KLHL41: variants seen among roughly 807,000 people sequenced by gnomAD.
The protein encoded by KLHL41 is kelch like family member 41, also known as kelch-like protein 41.
A neutral mutation model predicts 49.2 loss-of-function variants in KLHL41; 31 were observed. The observed-to-expected ratio is 0.63, with a 90% CI of 0.47 to 0.85. The LOEUF is 0.85. KLHL41 is among the 40% of genes least tolerant of loss of function. KLHL41 has a pLI of 0.00. For missense variants in KLHL41, 663 were observed against 726.7 expected, an observed-to-expected ratio of 0.91 and a Z score of 1.01; for synonymous variants, 218 against 258.5, an observed-to-expected ratio of 0.84 and a Z score of 1.50.
In KLHL41 at chr2:169,510,630, T is replaced by C. The variant is rs1364188826; in HGVS notation, c.852T>C (p.Asp284=). The C allele has an allele frequency of 6.2e-7, 1 of 1,614,058 alleles. No homozygotes were observed. Among genetic ancestry groups the C allele is most frequent in the African/African-American group, 1.3e-5 (1 of 74,910 alleles). ...GTGAGGTGAATGGTGATGTTGGTGA[T>C]GAAGATTTACTTCCTGGTTACCTGA... ...GAGEVNGDVG[D]EDLLPGYLND... is the part of the protein sequence containing the mutation. The change falls in exon 1 of 6, where the codon GAT becomes GAC. Residue 284 remains aspartate, a synonymous_variant. Coordinates refer to ENST00000284669, the MANE Select transcript of KLHL41 (RefSeq NM_006063.3). This position sits in a 1 kb window ranked among gnomAD's most constrained non-coding sequence, Gnocchi z 4.2.
chr2:169,517,177 C>A (rs369960993), intron 3 of KLHL41, among the ~76,000 whole-genome samples: 3 of 152,116 alleles, frequency 2.0e-5, no homozygotes, highest in African/African-American at 7.2e-5. Context: ...TGGTCTTTTA[C>A]ACAATTAAGA....
intron 1 of KLHL41, among the ~76,000 whole-genome samples, 199 bp downstream of exon 1, chr2:169,511,087 G>A (rs1236430168): frequency 2.0e-5 from 3 of 152,140 alleles, no homozygotes; most frequent in Admixed American, 2.0e-4. Flanking sequence ...AAAAAGTTTG[G>A]TGAATAATGA....
chr2:169,515,046 T>G (rs894388223), intron 3 of KLHL41, 85 bp downstream of exon 3: 2 of 875,376 alleles, frequency 2.3e-6, no homozygotes, highest in African/African-American at 3.5e-5. Flanking sequence ...TTTTTTTTTT[T>G]TTTTGAGATG....
intron 1 of KLHL41, 50 bp from the exon 2 acceptor site, chr2:169,514,524 C>T: frequency 1.3e-6 from 2 of 1,530,510 alleles, no homozygotes; most frequent in Non-Finnish European, 1.8e-6. Context: ...TGGTGTACTT[C>T]TAATTTTTTT....
intron 5 of KLHL41, among the ~76,000 whole-genome samples, chr2:169,522,762 A>C (rs972438883): frequency 7.9e-5 from 9 of 113,772 alleles, no homozygotes; most frequent in Non-Finnish European, 1.1e-4. Flanking sequence ...TCACTCTGTC[A>C]CCCAGGCTGT....
chr2:169,519,886 G>A (rs931573789), intron 4 of KLHL41, among the ~76,000 whole-genome samples: 3 of 151,760 alleles, frequency 2.0e-5, no homozygotes, highest in Non-Finnish European at 2.9e-5. Context: ...GAGCCACCGT[G>A]CCCGGCCTTA....
chr2:169,509,999 T>C lies in KLHL41; in HGVS notation c.221T>C (p.Val74Ala), dbSNP rs536931903. 3 of 1,614,080 alleles carry C rather than the reference T, an allele frequency of 1.9e-6. No homozygotes were observed. In the South Asian group the frequency reaches 3.3e-5, roughly 18 times the overall value. ...SEIDEAKKKE[V>A]VLDNVDPAIL... ...ATTGATGAGGCGAAAAAAAAGGAGG[T>C]AGTGCTAGACAATGTGGATCCTGCT... The change falls in exon 1 of 6, where the codon GTA (valine) becomes GCA (alanine). Residue 74 changes from valine to alanine, a missense_variant. Val to Ala is a moderately conservative substitution (Grantham distance 64). Coordinates refer to ENST00000284669, the MANE Select transcript of KLHL41 (RefSeq NM_006063.3).
chr2:169,511,488 TTTC>T (rs1328379122), intron 1 of KLHL41, among the ~76,000 whole-genome samples: 1 of 152,240 alleles, frequency 6.6e-6, no homozygotes, highest in African/African-American at 2.4e-5. Context: ...TTAATTTCTT[TTTC>T]TTCTTCATCT....
rs552571284 is a variant in KLHL41 at position 169,510,754 on chromosome 2, C to T, written c.976C>T (p.Leu326Phe). ...TGACCCCACGGAAAATGAATGCTACCTTACTGCACTGGCTGAGCAGATTCC... is the reference window on the plus strand; with the variant it reads ...TGACCCCACGGAAAATGAATGCTACTTTACTGCACTGGCTGAGCAGATTCC... Reference protein sequence around the residue: ...AYDPTENECYLTALAEQIPRN... With the variant: ...AYDPTENECYFTALAEQIPRN... Residue 326 changes from leucine (L) to phenylalanine (F), a missense_variant, in exon 1 of 6, where the codon CTT (leucine) becomes TTT (phenylalanine). Coordinates refer to ENST00000284669, the MANE Select transcript of KLHL41 (RefSeq NM_006063.3). This position sits in a 1 kb window ranked among gnomAD's most constrained non-coding sequence, Gnocchi z 4.2. The T allele has an allele frequency of 1.1e-5, 17 of 1,614,150 alleles. No individual in the cohort carries two copies. In the African/African-American group the frequency reaches 2.3e-4, roughly 22 times the overall value.
Position 169,510,067 on chromosome 2 carries a change from G to A in KLHL41, c.289G>A (p.Asp97Asn). 2 of 1,614,110 alleles carry A rather than the reference G, an allele frequency of 1.2e-6. No individual in the cohort carries two copies. Among genetic ancestry groups the A allele is most frequent in the Non-Finnish European group, 8.5e-7 (1 of 1,180,020 alleles). Reference protein sequence around the residue: ...IIKYLYSASIDLNDGNVQDIF... With the variant: ...IIKYLYSASINLNDGNVQDIF... Reference sequence around the variant, plus strand: ...CAAATACCTGTACTCTGCCAGTATTGATCTCAATGACGGAAATGTGCAAGA... The same window carrying A: ...CAAATACCTGTACTCTGCCAGTATTAATCTCAATGACGGAAATGTGCAAGA... The change falls in exon 1 of 6, where the codon GAT becomes AAT. Residue 97 changes from aspartate (D) to asparagine (N), a missense_variant. Physicochemically the swap from Asp to Asn is conservative, Grantham distance 23. Around this residue, in one of 3 missense-constraint regions of KLHL41, gnomAD observed 129 missense variants for 122.1 expected, o/e 1.06. Transcript: ENST00000284669. This position sits in a 1 kb window ranked among gnomAD's most constrained non-coding sequence, Gnocchi z 4.2.
Position 169,520,959 on chromosome 2 carries a change from A to C in KLHL41, c.1661A>C (p.Gln554Pro). Residue 554 changes from glutamine (Q) to proline (P), a missense_variant, in exon 5 of 6, where the codon CAA becomes CCA. Transcript: ENST00000284669. ...LYAIGGFAMI[Q>P]LESKEFAPTE... The stretch of plus-strand genomic sequence containing the variant: ...GCAATTGGTGGTTTTGCTATGATTC[A>C]ACTGGAGTCTAAAGAATTTGCACCC... 6.2e-7 allele frequency: 1 copy of C among 1,614,030 alleles called. No homozygotes were observed. Among genetic ancestry groups the C allele is most frequent in the Non-Finnish European group, 8.5e-7 (1 of 1,179,910 alleles).
rs1375942041 is a variant in KLHL41 at position 169,514,572 on chromosome 2, A to C, written c.1111-2A>C. 6.2e-7 allele frequency: 1 copy of C among 1,601,394 alleles called. No homozygotes were observed. Among genetic ancestry groups the C allele is most frequent in the Admixed American group, 1.8e-5 (1 of 55,914 alleles). On this transcript the variant is annotated splice_acceptor_variant, in intron 1 of 5. Coordinates refer to ENST00000284669, the MANE Select transcript of KLHL41 (RefSeq NM_006063.3). LOFTEE classifies it high-confidence loss of function. ...ACAATCTCTCATATATGTTTTTTTC[A>C]GCTCGATAGCATAGCATCTGAATGG...
chr2:169,510,059 C>T lies in KLHL41; in HGVS notation c.281C>T (p.Ala94Val), dbSNP rs1684005928. The change falls in exon 1 of 6, where the codon GCC (alanine) becomes GTC (valine). Residue 94 changes from alanine (A) to valine (V), a missense_variant. Physicochemically the swap from Ala to Val is moderately conservative, Grantham distance 64. This residue lies in a region of KLHL41 where 129 missense variants were observed against 122.1 expected (regional missense o/e 1.06). Coordinates refer to ENST00000284669, the MANE Select transcript of KLHL41 (RefSeq NM_006063.3). The surrounding 1 kb of genome is among the most constrained non-coding windows in gnomAD (Gnocchi z 4.2). ...LDLIIKYLYS[A>V]SIDLNDGNVQ... is the part of the protein sequence containing the mutation. Reference sequence around the variant, plus strand: ...TTAATCATCAAATACCTGTACTCTGCCAGTATTGATCTCAATGACGGAAAT... The same window carrying T: ...TTAATCATCAAATACCTGTACTCTGTCAGTATTGATCTCAATGACGGAAAT... 6.2e-7 allele frequency: 1 copy of T among 1,614,038 alleles called. No homozygotes were observed. Among genetic ancestry groups the T allele is most frequent in the South Asian group, 1.1e-5 (1 of 91,080 alleles).
chr2:169,513,289 G>A (rs750437416), intron 1 of KLHL41, among the ~76,000 whole-genome samples: 2 of 152,182 alleles, frequency 1.3e-5, no homozygotes, highest in African/African-American at 4.8e-5. Flanking sequence ...TTCCTCATCT[G>A]TAAAATGGGG....
intron 1 of KLHL41, among the ~76,000 whole-genome samples, chr2:169,513,539 G>A (rs531076694): frequency 6.6e-6 from 1 of 152,278 alleles, no homozygotes; most frequent in South Asian, 2.1e-4. Context: ...AACTTCTCAT[G>A]TCATCTAGTC....
At chr2:169,523,290 C>T (rs889330526) in intron 5 of KLHL41, among the ~76,000 whole-genome samples, 3 of 152,170 alleles carry the variant, frequency 2.0e-5, no homozygotes, top group Non-Finnish European at 4.4e-5. Context: ...CCCAAAGTTG[C>T]CTGCACGTTC....
At position 169,510,647 on chromosome 2, in the gene KLHL41, G is replaced by T. The variant is rs774827735; in HGVS notation, c.869G>T (p.Gly290Val). The T allele has an allele frequency of 3.7e-6, 6 of 1,614,006 alleles. No individual in the cohort carries two copies. The highest frequency in any genetic ancestry group is 4.2e-6 in the Non-Finnish European group (5 of 1,180,024). Residue 290 changes from glycine (G) to valine (V), a missense_variant, in exon 1 of 6, where the codon GGT (glycine) becomes GTT (valine). Physicochemically the swap from Gly to Val is moderately radical, Grantham distance 109 (BLOSUM62 -3). This residue lies in a region of KLHL41 where 528 missense variants were observed against 581.0 expected (regional missense o/e 0.91). Coordinates refer to ENST00000284669, the MANE Select transcript of KLHL41 (RefSeq NM_006063.3). The surrounding 1 kb of genome is among the most constrained non-coding windows in gnomAD (Gnocchi z 4.2). ...GDVGDEDLLP[G>V]YLNDIPRHGM... The stretch of plus-strand genomic sequence containing the variant: ...GTTGGTGATGAAGATTTACTTCCTG[G>T]TTACCTGAATGACATTCCCAGGCAT...
chr2:169,519,320 T>A (rs1194438339), intron 4 of KLHL41, among the ~76,000 whole-genome samples: 1 of 152,170 alleles, frequency 6.6e-6, no homozygotes. Context: ...TTACTTTTTT[T>A]AGAAACATGT....
In KLHL41 at chr2:169,510,853, A is replaced by G. The variant is rs143883202; in HGVS notation, c.1075A>G (p.Asn359Asp). ...AGGAGGACTATATGTGGATGAAGAA[A>G]ATAAGGATCAACCTCTACAGTCATA... ...VVGGLYVDEE[N>D]KDQPLQSYFF... The change falls in exon 1 of 6, where the codon AAT (asparagine) becomes GAT (aspartate). Residue 359 changes from asparagine (N) to aspartate (D), a missense_variant. Physicochemically the swap from Asn to Asp is conservative, Grantham distance 23. Coordinates refer to ENST00000284669, the MANE Select transcript of KLHL41 (RefSeq NM_006063.3). This position sits in a 1 kb window ranked among gnomAD's most constrained non-coding sequence, Gnocchi z 4.2. The G allele has an allele frequency of 1.9e-6, 3 of 1,613,804 alleles. No homozygotes were observed. In the African/African-American group the frequency reaches 4.0e-5, roughly 22 times the overall value.
Sources: gnomAD v4.1 joint callset for allele counts (sites outside exome capture counted in the v4.1 genomes callset) on GRCh38, gnomAD v4.1.1 for gene constraint, gnomAD v4.1.1 regional missense constraint, Gnocchi (gnomAD v3.1) non-coding constraint, MANE v1.5 for transcripts, NCBI Gene and HGNC (gene_info 2026-07-23, HGNC 2026-07-21) for gene names.